The following CNTNAP2 variants were observed in gnomAD, a reference collection of about 807,000 sequenced individuals.
The protein encoded by CNTNAP2 is contactin-associated protein-like 2.
Under a neutral mutation model 155.2 loss-of-function variants are expected in CNTNAP2, and 98 were observed. The ratio of observed to expected loss-of-function variants is 0.63; its 90% CI spans 0.54 to 0.75. CNTNAP2 has a LOEUF of 0.75. CNTNAP2 is among the 30% of genes least tolerant of loss of function. CNTNAP2 has a pLI of 0.00. For missense variants in CNTNAP2, 1,727 were observed against 1,688.1 expected, an observed-to-expected ratio of 1.02 and a Z score of -0.40; for synonymous variants, 651 against 631.2, an observed-to-expected ratio of 1.03 and a Z score of -0.47.
rs186981417 is a variant in CNTNAP2, at chr7:148,059,079, G to C, written c.2384-59039G>C. Among the ~76,000 whole-genome samples the C allele has an allele frequency of 3.3e-5, 5 of 152,010 alleles. No homozygotes were observed. The East Asian group carries it at 9.7e-4, about 29-fold the overall frequency. On this transcript the variant is annotated intron_variant, in intron 15 of 23. Coordinates refer to ENST00000361727, the MANE Select transcript of CNTNAP2 (RefSeq NM_014141.6). ...GCGGATCACTTGAGGTCAGGAATTCGAGACCAACCTGGCCAATGTGATGAA... is the reference window on the plus strand; with the variant it reads ...GCGGATCACTTGAGGTCAGGAATTCCAGACCAACCTGGCCAATGTGATGAA...
At chr7:147,094,028 C>G (rs1035549157) in intron 4 of CNTNAP2, among the ~76,000 whole-genome samples, 1 of 152,156 alleles carries the variant, frequency 6.6e-6, no homozygotes, top group Non-Finnish European at 1.5e-5. Context: ...GTCACCAGCT[C>G]ACGGCTCTTT....
At chr7:146,292,672 C>A (rs1361494678) in intron 1 of CNTNAP2, among the ~76,000 whole-genome samples, 2 of 152,128 alleles carry the variant, frequency 1.3e-5, no homozygotes, top group Non-Finnish European at 2.9e-5. Context: ...TGTCTGCACT[C>A]CCATGGTTAG....
intron 12 of CNTNAP2, among the ~76,000 whole-genome samples, chr7:147,590,443 C>A (rs1800715862): frequency 6.6e-6 from 1 of 152,124 alleles, no homozygotes; most frequent in Admixed American, 6.5e-5. Context: ...GAGCTTCCCC[C>A]TTCGCTTAGC....
intron 1 of CNTNAP2, among the ~76,000 whole-genome samples, chr7:146,685,477 T>C (rs998976196): frequency 6.6e-6 from 1 of 152,164 alleles, no homozygotes; most frequent in Admixed American, 6.5e-5. Flanking sequence ...CTGGTTGACA[T>C]TTCCTGGTAA....
At chr7:147,557,536 G>C (rs1799974741) in intron 11 of CNTNAP2, among the ~76,000 whole-genome samples, 1 of 152,054 alleles carries the variant, frequency 6.6e-6, no homozygotes, top group Non-Finnish European at 1.5e-5. Context: ...ATCGACAATG[G>C]TTCAGACCCT....
At chr7:148,256,068 G>A (rs1796448361) in intron 20 of CNTNAP2, among the ~76,000 whole-genome samples, 1 of 152,118 alleles carries the variant, frequency 6.6e-6, no homozygotes, top group Non-Finnish European at 1.5e-5. Context: ...TGAATGTCGG[G>A]AGCCAAGTCT....
intron 13 of CNTNAP2, among the ~76,000 whole-genome samples, chr7:147,868,835 G>A (rs1799278290): frequency 6.6e-6 from 1 of 152,248 alleles, no homozygotes; most frequent in Non-Finnish European, 1.5e-5. Context: ...GAAAAGTGCA[G>A]TATTTGGTCA....
intron 3 of CNTNAP2, among the ~76,000 whole-genome samples, chr7:147,034,295 T>C (rs759720149): frequency 6.6e-6 from 1 of 152,216 alleles, no homozygotes; most frequent in Admixed American, 6.5e-5. Flanking sequence ...GCTTGTTTAT[T>C]TTCTGCATTT....
At chr7:148,205,112 C>T (rs1203265056) in intron 18 of CNTNAP2, among the ~76,000 whole-genome samples, 2 of 152,140 alleles carry the variant, frequency 1.3e-5, no homozygotes, top group Non-Finnish European at 2.9e-5. Context: ...AGACTAAAAC[C>T]GCGAATTAAA....
intron 15 of CNTNAP2, among the ~76,000 whole-genome samples, chr7:148,043,237 C>A (rs1187664634): frequency 6.6e-6 from 1 of 152,166 alleles, no homozygotes; most frequent in Non-Finnish European, 1.5e-5. Flanking sequence ...TTGACAATTA[C>A]CCCCAGGAAG....
At chr7:146,786,080 G>A (rs1007672300) in intron 2 of CNTNAP2, among the ~76,000 whole-genome samples, 1 of 152,090 alleles carries the variant, frequency 6.6e-6, no homozygotes, top group African/African-American at 2.4e-5. Flanking sequence ...ATTGAACAGA[G>A]TTCATTCAAT....
intron 1 of CNTNAP2, among the ~76,000 whole-genome samples, chr7:146,747,078 G>A (rs555208111): frequency 6.6e-6 from 1 of 152,208 alleles, no homozygotes; most frequent in Non-Finnish European, 1.5e-5. Context: ...TTACTACCTA[G>A]TATGCTCGTT....
chr7:147,390,909 A>G (rs898204571), intron 9 of CNTNAP2, among the ~76,000 whole-genome samples: 13 of 152,028 alleles, frequency 8.6e-5, no homozygotes, highest in Admixed American at 3.3e-4. Flanking sequence ...ATCTTTTTCC[A>G]CACACGAAGT....
At chr7:147,827,793 A>G (rs1798480426) in intron 13 of CNTNAP2, among the ~76,000 whole-genome samples, 2 of 152,166 alleles carry the variant, frequency 1.3e-5, no homozygotes, top group African/African-American at 4.8e-5. Flanking sequence ...GTTTCTGACC[A>G]GTTGTTTTCC....
intron 3 of CNTNAP2, among the ~76,000 whole-genome samples, chr7:146,945,137 C>A (rs1797136679): frequency 6.6e-6 from 1 of 152,150 alleles, no homozygotes; most frequent in African/African-American, 2.4e-5. Flanking sequence ...GTGATCATTG[C>A]AATGGGCATC....
At chr7:146,779,979 T>G (rs1802454670) in intron 2 of CNTNAP2, among the ~76,000 whole-genome samples, 1 of 152,192 alleles carries the variant, frequency 6.6e-6, no homozygotes, top group Non-Finnish European at 1.5e-5. Flanking sequence ...TTACCTTTCC[T>G]TAAAAGACAC....
At chr7:147,628,576 G>A (rs933206041) in intron 12 of CNTNAP2, among the ~76,000 whole-genome samples, 16 of 152,096 alleles carry the variant, frequency 1.1e-4, no homozygotes, top group African/African-American at 3.4e-4. Context: ...CAAAACATAA[G>A]GTATTAAGGC....
intron 1 of CNTNAP2, among the ~76,000 whole-genome samples, chr7:146,587,724 G>A (rs1798715979): frequency 6.6e-6 from 1 of 151,910 alleles, no homozygotes; most frequent in African/African-American, 2.4e-5. Flanking sequence ...CCAGGCTAGA[G>A]TGCAATGTCA....
At chr7:146,591,707 G>A (rs1356254799) in intron 1 of CNTNAP2, among the ~76,000 whole-genome samples, 1 of 152,126 alleles carries the variant, frequency 6.6e-6, no homozygotes. Flanking sequence ...TGTTCCCCAA[G>A]TTATGCTTTT....
Sources: gnomAD v4.1 joint callset for allele counts (sites outside exome capture counted in the v4.1 genomes callset) on GRCh38, gnomAD v4.1.1 for gene constraint, MANE v1.5 for transcripts, NCBI Gene and HGNC (gene_info 2026-07-23, HGNC 2026-07-21) for gene names.